The following BNC2 variants were observed in gnomAD, a reference collection of about 807,000 sequenced individuals.
BNC2 encodes basonuclin zinc finger protein 2.
In BNC2, 20 loss-of-function variants were observed where a neutral mutation model predicts 76.3. The ratio of observed to expected loss-of-function variants is 0.26; its 90% CI spans 0.18 to 0.38. BNC2 has a LOEUF of 0.38. Ranked by LOEUF, BNC2 falls within the 10% of genes least tolerant of loss-of-function variation. The pLI is 1.00. For missense variants in BNC2, 1,382 were observed against 1,399.8 expected (o/e 0.99, Z 0.20); for synonymous variants, 582 against 514.8 (o/e 1.13, Z -1.77).
rs376738136 is a variant in BNC2 at position 16,450,122 on chromosome 9, C to T, written c.670-12598G>A. Among the ~76,000 whole-genome samples the T allele has an allele frequency of 1.9e-3, 282 of 152,206 alleles. 7 individuals carry two copies. The South Asian group carries it at 0.056, about 30-fold the overall frequency. ...CCAATTTCATTGATGCATTTTTAAA[C>T]ATTATTAAACAGGTTCAGAAACAAT... On this transcript the variant is annotated intron_variant, in intron 5 of 6. Transcript: ENST00000380672.
At chr9:16,671,120 C>G (rs150973778) in intron 3 of BNC2, among the ~76,000 whole-genome samples, 162 of 152,214 alleles carry the variant, frequency 1.1e-3, no homozygotes, top group Admixed American at 1.6e-3. Context: ...AGTTGTGGCA[C>G]TGATCATCTC....
chr9:16,650,729 A>G (rs998777077), intron 3 of BNC2, among the ~76,000 whole-genome samples: 1 of 152,166 alleles, frequency 6.6e-6, no homozygotes, highest in Non-Finnish European at 1.5e-5. Flanking sequence ...AAAGGGAAAT[A>G]TCTTATAGAA....
intron 3 of BNC2, among the ~76,000 whole-genome samples, chr9:16,631,541 C>T (rs568378593): frequency 3.3e-5 from 5 of 152,322 alleles, no homozygotes; most frequent in African/African-American, 1.2e-4. Context: ...CTTAGAATCA[C>T]AGCCAATAGT....
intron 4 of BNC2, among the ~76,000 whole-genome samples, chr9:16,558,115 T>C (rs1818895319): frequency 6.6e-6 from 1 of 152,200 alleles, no homozygotes; most frequent in African/African-American, 2.4e-5. Flanking sequence ...CCCAAAGTGT[T>C]GGGATTACAG....
chr9:16,437,144 C>T lies in BNC2; in HGVS notation c.1050G>A (p.Leu350=). 6.2e-7 allele frequency: 1 copy of T among 1,614,170 alleles called. No homozygotes were observed. Among genetic ancestry groups the T allele is most frequent in the Non-Finnish European group, 8.5e-7 (1 of 1,180,030 alleles). ...TTGAAAGGCTGGGTTCCCGCAGCCT[C>T]AACCCTGGTTGCTCTAACAGTAGCC... is the stretch of plus-strand genomic sequence containing the variant. The part of the protein sequence containing the change: ...PNGLLLEQPG[L]RLREPSLSTQ... Residue 350 remains leucine, a synonymous_variant, in exon 6 of 7, where the codon TTG becomes TTA. Transcript: ENST00000380672.
In BNC2 at chr9:16,497,722, C is replaced by T. The variant is rs546808380; in HGVS notation, c.669+54808G>A. ...GTGGCATTTAAGTTGAAAGTAAAGTCGGAATTAACCAAGTAAAAAGGTTGG... is the reference window on the plus strand; with the variant it reads ...GTGGCATTTAAGTTGAAAGTAAAGTTGGAATTAACCAAGTAAAAAGGTTGG... On this transcript the variant is annotated intron_variant, in intron 5 of 6. Transcript: ENST00000380672. Among the ~76,000 whole-genome samples, 553 of 152,036 alleles carry T rather than the reference C, an allele frequency of 3.6e-3. 5 individuals are homozygous for T. Among genetic ancestry groups the T allele is most frequent in the African/African-American group, 0.013 (535 of 41,498 alleles).
intron 1 of BNC2, among the ~76,000 whole-genome samples, chr9:16,841,938 T>G (rs1400709047): frequency 6.6e-6 from 1 of 152,122 alleles, no homozygotes; most frequent in Non-Finnish European, 1.5e-5. Context: ...GCCTCCCAAG[T>G]AGCTGGGATT....
intron 1 of BNC2, among the ~76,000 whole-genome samples, chr9:16,835,753 G>C (rs1256358442): frequency 1.3e-5 from 2 of 152,154 alleles, no homozygotes; most frequent in Non-Finnish European, 2.9e-5. Flanking sequence ...GAAAACTATT[G>C]TGTGCAAGGC....
chr9:16,509,820 G>A (rs983795553), intron 5 of BNC2, among the ~76,000 whole-genome samples: 3 of 152,200 alleles, frequency 2.0e-5, no homozygotes, highest in Non-Finnish European at 2.9e-5. Flanking sequence ...GAAGAAATAT[G>A]TAGAGGTTGT....
chr9:16,494,752 A>G (rs1245078884), intron 5 of BNC2, among the ~76,000 whole-genome samples: 2 of 152,094 alleles, frequency 1.3e-5, no homozygotes, highest in African/African-American at 4.8e-5. Flanking sequence ...AAGATTTGGC[A>G]GGCCGTGTAG....
In BNC2 at chr9:16,727,839, C is replaced by A; in HGVS notation, c.288G>T (p.Trp96Cys). 5 of 1,614,168 alleles carry A rather than the reference C, an allele frequency of 3.1e-6. No individual in the cohort carries two copies. The highest frequency in any genetic ancestry group is 4.2e-6 in the Non-Finnish European group (5 of 1,180,032). The change falls in exon 3 of 7, where the codon TGG (tryptophan) becomes TGT (cysteine). Residue 96 changes from tryptophan (W) to cysteine (C), a missense_variant. Coordinates refer to ENST00000380672, the MANE Select transcript of BNC2 (RefSeq NM_017637.6). ...ATAAGAGGTTAGTATCAGCGTTTTG[C>A]CATGTCCCCATGAACCCTGGTTCAG... ...TTAEPGFMGT[W>C]QNADTNLLFR... is the part of the protein sequence containing the mutation.
chr9:16,480,324 C>G lies in BNC2; in HGVS notation c.670-42800G>C, dbSNP rs117015175. ...CCAATCTGTTAAATCATTACCATCC[C>G]ATTGAGAGGTGACAGCGTGCTGGCA... is the stretch of plus-strand genomic sequence containing the variant. On this transcript the variant is annotated intron_variant, in intron 5 of 6. Transcript: ENST00000380672. Among the ~76,000 whole-genome samples the G allele has an allele frequency of 8.0e-3, 1,214 of 152,336 alleles. 17 individuals are homozygous for G. The highest frequency in any genetic ancestry group is 8.6e-3 in the Non-Finnish European group (585 of 68,024).
intron 5 of BNC2, among the ~76,000 whole-genome samples, chr9:16,546,897 C>A (rs1231462108): frequency 1.3e-5 from 2 of 152,180 alleles, no homozygotes; most frequent in Non-Finnish European, 2.9e-5. Flanking sequence ...GAATTCAAAT[C>A]AAACTTCAAA....
At chr9:16,779,154 A>C (rs569920087) in intron 1 of BNC2, among the ~76,000 whole-genome samples, 1 of 151,168 alleles carries the variant, frequency 6.6e-6, no homozygotes, top group Non-Finnish European at 1.5e-5. Context: ...AGAAAAAAAA[A>C]CCAGCCAAGC....
chr9:16,552,817 A>G (rs1279031507), intron 4 of BNC2, 52 bp from the exon 5 acceptor site: 2 of 1,433,112 alleles, frequency 1.4e-6, no homozygotes, highest in Admixed American at 3.4e-5. Flanking sequence ...GAATAAGATA[A>G]AGAGAGAGAA....
chr9:16,439,204 C>T (rs1202506463), intron 5 of BNC2, among the ~76,000 whole-genome samples: 1 of 152,112 alleles, frequency 6.6e-6, no homozygotes, highest in Non-Finnish European at 1.5e-5. Flanking sequence ...TATAAATTAC[C>T]CAGTCTTGGG....
chr9:16,641,218 A>G (rs184792009), intron 3 of BNC2, among the ~76,000 whole-genome samples: 4 of 152,202 alleles, frequency 2.6e-5, no homozygotes. Context: ...CACTATGTAC[A>G]GTATGCACAG....
At chr9:16,435,434 G>T in intron 6 of BNC2, 121 bp downstream of exon 6, 11 of 1,207,590 alleles carry the variant, frequency 9.1e-6, no homozygotes, top group Non-Finnish European at 1.2e-5. Flanking sequence ...TGATCACTGT[G>T]GACAATCTTT....
chr9:16,697,124 G>A (rs566863967), intron 3 of BNC2, among the ~76,000 whole-genome samples: 1 of 152,244 alleles, frequency 6.6e-6, no homozygotes, highest in East Asian at 1.9e-4. Flanking sequence ...ACTTTGGGAG[G>A]CTGAGGCGGG....
Sources: allele counts gnomAD v4.1 joint callset (sites outside exome capture counted in the v4.1 genomes callset), GRCh38; gene constraint gnomAD v4.1.1; transcripts MANE v1.5; gene names NCBI Gene and HGNC (gene_info 2026-07-23, HGNC 2026-07-21).